Variants in ZNF827 observed in about 807,000 individuals in gnomAD.
ZNF827 encodes the protein zinc finger protein 827.
A neutral mutation model predicts 102.4 loss-of-function variants in ZNF827; 13 were observed. That is an observed-to-expected ratio of 0.13 (90% CI 0.08 to 0.20). The LOEUF (loss-of-function observed/expected upper bound fraction) is 0.20, where lower values mean the gene tolerates loss of function less well. Ranked by LOEUF, ZNF827 falls within the 10% of genes least tolerant of loss-of-function variation. The pLI is 1.00. For missense variants in ZNF827, 1,103 were observed against 1,344.4 expected (o/e 0.82, Z 2.81); for synonymous variants, 523 against 536.2 (o/e 0.98, Z 0.34).
At chr4:145,918,034 T>G (rs1293026209) in intron 1 of ZNF827, among the ~76,000 whole-genome samples, 2 of 152,186 alleles carry the variant, frequency 1.3e-5, no homozygotes, top group Non-Finnish European at 2.9e-5. Flanking sequence ...TGAAAAGCTT[T>G]TGATATATTA....
intron 5 of ZNF827, 63 bp from the exon 6 acceptor site, chr4:145,849,624 A>C: frequency 1.3e-6 from 2 of 1,599,496 alleles, no homozygotes. Context: ...AGCTAGACCC[A>C]GTTTCTAATC....
intron 1 of ZNF827, among the ~76,000 whole-genome samples, chr4:145,937,166 G>C (rs1315282406): frequency 6.6e-6 from 1 of 152,076 alleles, no homozygotes; most frequent in Non-Finnish European, 1.5e-5. Flanking sequence ...GAGAGGGAGT[G>C]GGGGAAAAGT....
intron 1 of ZNF827, among the ~76,000 whole-genome samples, chr4:145,933,137 G>A (rs1350254552): frequency 6.6e-6 from 1 of 152,234 alleles, no homozygotes; most frequent in African/African-American, 2.4e-5. Context: ...TTTGAAGCAT[G>A]AGAAGGAATG....
chr4:145,765,707 A>G lies in ZNF827; in HGVS notation c.2892T>C (p.Asn964=). The change falls in exon 12 of 15, where the codon AAT becomes AAC. Residue 964 remains asparagine (N), a synonymous_variant. Coordinates refer to ENST00000508784, the MANE Select transcript of ZNF827 (RefSeq NM_001306215.2). This position sits in a 1 kb window ranked among gnomAD's most constrained non-coding sequence, Gnocchi z 4.7. ...GEDRKTPSES[N]SPSSSSLSAL... is the part of the protein sequence containing the mutation. ...CTGAGAGGGAGGATGAAGAGGGGCT[A>G]TTTGATTCGCTGGGGGTCTTCCTGT... 16 of 1,614,114 alleles carry G rather than the reference A, an allele frequency of 9.9e-6. No individual in the cohort carries two copies. Among genetic ancestry groups the G allele is most frequent in the Non-Finnish European group, 1.4e-5 (16 of 1,180,002 alleles).
chr4:145,855,893 A>G (rs145118546), intron 5 of ZNF827, among the ~76,000 whole-genome samples: 143 of 152,186 alleles, frequency 9.4e-4, no homozygotes, highest in African/African-American at 2.8e-3. Flanking sequence ...TAAGAACCCA[A>G]TGCTTAGATG....
intron 2 of ZNF827, among the ~76,000 whole-genome samples, chr4:145,899,634 G>T (rs1356247947): frequency 6.6e-6 from 1 of 152,142 alleles, no homozygotes; most frequent in African/African-American, 2.4e-5. Context: ...ATATTTTTCG[G>T]GTAACAATTT....
At chr4:145,797,181 G>A (rs1391461349) in intron 8 of ZNF827, among the ~76,000 whole-genome samples, 1 of 152,162 alleles carries the variant, frequency 6.6e-6, no homozygotes, top group Non-Finnish European at 1.5e-5. Flanking sequence ...CCATAATTAT[G>A]ATCAATGATG....
At position 145,775,884 on chromosome 4, in the gene ZNF827, G is replaced by A. The variant is rs150742094; in HGVS notation, c.2598C>T (p.Val866=). The part of the protein sequence containing the change: ...CRANLNQHLT[V]HSVKLVSTDT... ...CTGTACTCACCAGCTTCACGGAATG[G>A]ACGGTCAAGTGCTGGTTCAGATTTG... Residue 866 remains valine (V), a synonymous_variant, in exon 10 of 15, where the codon GTC becomes GTT. Coordinates refer to ENST00000508784, the MANE Select transcript of ZNF827 (RefSeq NM_001306215.2). 4.3e-6 allele frequency: 7 copies of A among 1,614,074 alleles called. No homozygotes were observed. Among genetic ancestry groups the A allele is most frequent in the Non-Finnish European group, 5.9e-6 (7 of 1,180,040 alleles).
chr4:145,839,578 C>T (rs1745217735), intron 7 of ZNF827: 1 of 152,254 alleles, frequency 6.6e-6, no homozygotes, highest in South Asian at 2.1e-4. Flanking sequence ...AAGAGGGCTG[C>T]TTTACAGAGG....
intron 8 of ZNF827, among the ~76,000 whole-genome samples, chr4:145,784,585 T>G (rs1738576701): frequency 6.6e-6 from 1 of 152,216 alleles, no homozygotes; most frequent in African/African-American, 2.4e-5. Flanking sequence ...ACCTTAAAAC[T>G]TCTTTTAGAT....
intron 2 of ZNF827, among the ~76,000 whole-genome samples, chr4:145,896,692 A>G (rs1750997415): frequency 6.6e-6 from 1 of 152,248 alleles, no homozygotes; most frequent in East Asian, 1.9e-4. Context: ...CCTTTCACAT[A>G]GTGCCCCAAT....
intron 2 of ZNF827, among the ~76,000 whole-genome samples, chr4:145,896,382 A>T (rs1750974553): frequency 6.6e-6 from 1 of 152,186 alleles, no homozygotes; most frequent in Non-Finnish European, 1.5e-5. Flanking sequence ...CAAAATACTG[A>T]TGGACAATCC....
intron 8 of ZNF827, among the ~76,000 whole-genome samples, chr4:145,807,147 T>A (rs1741533552): frequency 6.6e-6 from 1 of 152,194 alleles, no homozygotes; most frequent in African/African-American, 2.4e-5. Flanking sequence ...AATTTCACCT[T>A]CTGGGGAGTC....
In ZNF827 at chr4:145,903,158, C is replaced by T. The variant is rs768466793; in HGVS notation, c.101G>A (p.Gly34Glu). 2.5e-6 allele frequency: 4 copies of T among 1,614,058 alleles called. No homozygotes were observed. The highest frequency in any genetic ancestry group is 1.7e-5 in the Admixed American group (1 of 60,006). The stretch of plus-strand genomic sequence containing the variant: ...TTCTGACGGAGTCTCTGAAGAGTTT[C>T]CATACCAGTGTTCTCCTTCACTGAG... ...GELSEGEHWY[G>E]NSSETPSEAS... Residue 34 changes from glycine (G) to glutamate (E), a missense_variant, in exon 2 of 15, where the codon GGA becomes GAA. Coordinates refer to ENST00000508784, the MANE Select transcript of ZNF827 (RefSeq NM_001306215.2).
intron 8 of ZNF827, among the ~76,000 whole-genome samples, chr4:145,808,660 C>A (rs1392400890): frequency 1.3e-5 from 2 of 152,304 alleles, no homozygotes; most frequent in Admixed American, 1.3e-4. Flanking sequence ...ACTTTGATAC[C>A]TTAAAGAGGA....
intron 4 of ZNF827, among the ~76,000 whole-genome samples, chr4:145,881,062 C>T (rs1036353690): frequency 1.3e-5 from 2 of 152,168 alleles, no homozygotes; most frequent in African/African-American, 4.8e-5. Context: ...GCCATTTATA[C>T]AAAAACTGTA....
chr4:145,821,839 T>C (rs1285299049), intron 8 of ZNF827, among the ~76,000 whole-genome samples: 3 of 152,206 alleles, frequency 2.0e-5, no homozygotes, highest in Non-Finnish European at 4.4e-5. Flanking sequence ...GAAATCACTC[T>C]TTAGGTCAAG....
At chr4:145,920,750 TC>T (rs1213212333) in intron 1 of ZNF827, among the ~76,000 whole-genome samples, 1 of 152,198 alleles carries the variant, frequency 6.6e-6, no homozygotes, top group Admixed American at 6.5e-5. Context: ...CCTATGGGAT[TC>T]CCCCCTTCTT....
At chr4:145,857,250 C>A (rs1475268353) in intron 5 of ZNF827, among the ~76,000 whole-genome samples, 1 of 152,100 alleles carries the variant, frequency 6.6e-6, no homozygotes, top group Non-Finnish European at 1.5e-5. Flanking sequence ...CTGAGAAGCA[C>A]CAGGTATTCT....
Sources: gnomAD v4.1 joint callset for allele counts (sites outside exome capture counted in the v4.1 genomes callset) on GRCh38, gnomAD v4.1.1 for gene constraint, Gnocchi (gnomAD v3.1) non-coding constraint, MANE v1.5 for transcripts, NCBI Gene and HGNC (gene_info 2026-07-23, HGNC 2026-07-21) for gene names.